ABTB3: variants seen among roughly 807,000 people sequenced by gnomAD.
ABTB3 encodes ankyrin repeat and BTB domain containing 3.
At chr12:107,542,409 A>G in the ABTB3 span, among the ~76,000 whole-genome samples, 1 of 152,162 alleles carries the variant, frequency 6.6e-6, no homozygotes, top group Non-Finnish European at 1.5e-5. Flanking sequence ...TAAGTAGGAC[A>G]GGGCAAGTGC....
At chr12:107,617,987 C>T in the ABTB3 span, among the ~76,000 whole-genome samples, 2 of 152,102 alleles carry the variant, frequency 1.3e-5, no homozygotes, top group Non-Finnish European at 2.9e-5. Flanking sequence ...TCATCTCCTC[C>T]ATCCCCAAAA....
chr12:107,330,685 T>C, the ABTB3 span, among the ~76,000 whole-genome samples: 3 of 152,200 alleles, frequency 2.0e-5, no homozygotes, highest in Non-Finnish European at 2.9e-5. Flanking sequence ...TCCACAGTGA[T>C]GTATTGTCTC....
the ABTB3 span, among the ~76,000 whole-genome samples, chr12:107,387,280 G>T: frequency 6.6e-6 from 1 of 152,174 alleles, no homozygotes; most frequent in Non-Finnish European, 1.5e-5. Context: ...GCCTGGCCAA[G>T]TCAGCTGCAT....
At chr12:107,571,099 T>A in the ABTB3 span, among the ~76,000 whole-genome samples, 1 of 152,202 alleles carries the variant, frequency 6.6e-6, no homozygotes, top group African/African-American at 2.4e-5. Flanking sequence ...TGAGCTAACA[T>A]CAGAAAAATG....
At chr12:107,648,633 T>C in the ABTB3 span, among the ~76,000 whole-genome samples, 1 of 152,128 alleles carries the variant, frequency 6.6e-6, no homozygotes, top group Non-Finnish European at 1.5e-5. Flanking sequence ...TCGTTAGTGA[T>C]ACACAGAAAC....
the ABTB3 span, among the ~76,000 whole-genome samples, chr12:107,648,298 T>C: frequency 0.17 from 25,317 of 151,292 alleles, 2,931 homozygotes; most frequent in East Asian, 0.5. Context: ...GGAGAATTGC[T>C]TGAACCCGGG....
the ABTB3 span, among the ~76,000 whole-genome samples, chr12:107,420,422 T>G: frequency 6.6e-6 from 1 of 152,304 alleles, no homozygotes; most frequent in South Asian, 2.1e-4. Flanking sequence ...AGGCATGTCT[T>G]ACATGGCAGC....
the ABTB3 span, among the ~76,000 whole-genome samples, chr12:107,417,691 C>T: frequency 6.6e-6 from 1 of 152,248 alleles, no homozygotes; most frequent in Non-Finnish European, 1.5e-5. Flanking sequence ...TGTGTACCAT[C>T]AACAGCAGAT....
the ABTB3 span, among the ~76,000 whole-genome samples, chr12:107,444,921 A>G: frequency 6.6e-6 from 1 of 152,116 alleles, no homozygotes; most frequent in Non-Finnish European, 1.5e-5. Context: ...AGTGCTCCAG[A>G]GAGAAGGAAG....
the ABTB3 span, among the ~76,000 whole-genome samples, chr12:107,357,757 G>T: frequency 6.6e-6 from 1 of 152,214 alleles, no homozygotes; most frequent in African/African-American, 2.4e-5. Flanking sequence ...CACGTGGGCT[G>T]CATAGCACCC....
the ABTB3 span, among the ~76,000 whole-genome samples, chr12:107,532,951 G>A: frequency 1.3e-5 from 2 of 151,956 alleles, no homozygotes; most frequent in Non-Finnish European, 2.9e-5. Context: ...AAATGAAGGA[G>A]AAATAGTCTT....
the ABTB3 span, among the ~76,000 whole-genome samples, chr12:107,463,538 G>A: frequency 6.6e-6 from 1 of 152,274 alleles, no homozygotes; most frequent in East Asian, 1.9e-4. Context: ...GGCACAGCGG[G>A]GTTAAGCAAC....
chr12:107,540,061 G>A, the ABTB3 span, among the ~76,000 whole-genome samples: 1 of 152,300 alleles, frequency 6.6e-6, no homozygotes, highest in East Asian at 1.9e-4. Context: ...GAGAGATGTA[G>A]GGATATAACC....
chr12:107,344,059 C>G, the ABTB3 span, among the ~76,000 whole-genome samples: 1 of 152,178 alleles, frequency 6.6e-6, no homozygotes, highest in African/African-American at 2.4e-5. Context: ...GCCCTGCCAG[C>G]CTTAACACAT....
chr12:107,429,287 G>C, the ABTB3 span, among the ~76,000 whole-genome samples: 4 of 152,230 alleles, frequency 2.6e-5, no homozygotes, highest in South Asian at 4.1e-4. Flanking sequence ...AGCTGTCCCA[G>C]GGCTTGCATA....
chr12:107,448,787 C>T, the ABTB3 span, among the ~76,000 whole-genome samples: 3 of 152,050 alleles, frequency 2.0e-5, no homozygotes, highest in East Asian at 3.9e-4. Flanking sequence ...ACTACAGGCA[C>T]CCACCACACC....
chr12:107,659,172 A>G, the ABTB3 span: 2 of 152,198 alleles, frequency 1.3e-5, no homozygotes, highest in African/African-American at 4.8e-5. Flanking sequence ...CAGACCCTAG[A>G]TTGTGAAGGA....
the ABTB3 span, among the ~76,000 whole-genome samples, chr12:107,555,422 T>C: frequency 3.9e-5 from 6 of 152,320 alleles, no homozygotes; most frequent in Non-Finnish European, 8.8e-5. Flanking sequence ...GAAACAGCTC[T>C]CTCTCACAAC....
the ABTB3 span, among the ~76,000 whole-genome samples, chr12:107,657,042 CA>C: frequency 7.0e-6 from 1 of 142,516 alleles, no homozygotes; most frequent in African/African-American, 2.4e-5. Flanking sequence ...AACCCTGTCT[CA>C]AAAAAAACAA....
Sources: gnomAD v4.1 joint callset for allele counts (sites outside exome capture counted in the v4.1 genomes callset) on GRCh38, gnomAD v4.1.1 for gene constraint, MANE v1.5 for transcripts, NCBI Gene and HGNC (gene_info 2026-07-23, HGNC 2026-07-21) for gene names.